The following TOX variants were observed in gnomAD, a reference collection of about 807,000 sequenced individuals.
TOX encodes the protein thymocyte selection associated high mobility group box.
Under a neutral mutation model 53.7 loss-of-function variants are expected in TOX, and 11 were observed. The ratio of observed to expected loss-of-function variants is 0.20; its 90% CI spans 0.13 to 0.34. TOX has a LOEUF of 0.34. Ranked by LOEUF, TOX falls within the 10% of genes least tolerant of loss-of-function variation. The pLI, the probability that TOX is intolerant of heterozygous loss-of-function variation, is 1.00. For synonymous variants in TOX, 225 were observed against 245.3 expected (o/e 0.92, Z 0.77); for missense variants, 570 against 664.6 (o/e 0.86, Z 1.56).
intron 1 of TOX, among the ~76,000 whole-genome samples, chr8:59,051,418 A>G (rs1423123764): frequency 2.0e-5 from 3 of 152,178 alleles, no homozygotes; most frequent in Admixed American, 6.5e-5. Context: ...AGTAGAACAG[A>G]TAACTTTAAA....
chr8:58,935,094 A>G (rs976550878), intron 3 of TOX, among the ~76,000 whole-genome samples: 7 of 152,230 alleles, frequency 4.6e-5, no homozygotes, highest in African/African-American at 1.7e-4. Flanking sequence ...TGTATCACTT[A>G]TGTTGCCAGT....
At chr8:59,086,393 C>T (rs1026546945) in intron 1 of TOX, among the ~76,000 whole-genome samples, 2 of 152,178 alleles carry the variant, frequency 1.3e-5, no homozygotes, top group African/African-American at 2.4e-5. Context: ...CTCTTCCCAG[C>T]AGTCCATGTC....
At chr8:58,974,453 T>C (rs952903729) in intron 1 of TOX, among the ~76,000 whole-genome samples, 7 of 152,208 alleles carry the variant, frequency 4.6e-5, no homozygotes, top group African/African-American at 1.7e-4. Context: ...TAAGTCTATA[T>C]ATTTTTAAAG....
At chr8:59,107,679 C>T (rs982956803) in intron 1 of TOX, among the ~76,000 whole-genome samples, 10 of 152,268 alleles carry the variant, frequency 6.6e-5, no homozygotes, top group African/African-American at 2.4e-4. Context: ...GAGTTGGGGA[C>T]TCCAGCAGTG....
chr8:58,859,721 T>C (rs1278111244), intron 3 of TOX, among the ~76,000 whole-genome samples: 1 of 152,202 alleles, frequency 6.6e-6, no homozygotes, highest in Non-Finnish European at 1.5e-5. Context: ...GGTCTCTCCA[T>C]TGTGGCTTCT....
chr8:58,889,635 A>G (rs1811528922), intron 3 of TOX, among the ~76,000 whole-genome samples: 1 of 152,202 alleles, frequency 6.6e-6, no homozygotes, highest in Non-Finnish European at 1.5e-5. Context: ...ACTATAAAAT[A>G]TATCTGTCAG....
intron 1 of TOX, among the ~76,000 whole-genome samples, chr8:59,012,886 G>C (rs310363): frequency 6.7e-6 from 1 of 148,428 alleles, no homozygotes; most frequent in Non-Finnish European, 1.5e-5. Flanking sequence ...CCCAGACAGC[G>C]TACTCTTTCC....
chr8:59,077,854 C>T (rs1400967652), intron 1 of TOX, among the ~76,000 whole-genome samples: 3 of 152,148 alleles, frequency 2.0e-5, no homozygotes, highest in South Asian at 4.1e-4. Flanking sequence ...AGCCTGGCAA[C>T]TCTATATATG....
intron 1 of TOX, among the ~76,000 whole-genome samples, chr8:58,991,410 A>G (rs1450526554): frequency 6.6e-6 from 1 of 152,220 alleles, no homozygotes; most frequent in East Asian, 1.9e-4. Flanking sequence ...ACAGTGCCTA[A>G]ACAGACCCAA....
chr8:59,013,651 C>T (rs1187992455), intron 1 of TOX, among the ~76,000 whole-genome samples: 7 of 152,136 alleles, frequency 4.6e-5, no homozygotes, highest in Admixed American at 1.3e-4. Flanking sequence ...CCTCGTGATC[C>T]GCCCGCTCCG....
At position 58,851,049 on chromosome 8, in the gene TOX, T is replaced by C. The variant is rs1810805313; in HGVS notation, c.693+475A>G. Among the ~76,000 whole-genome samples the C allele has an allele frequency of 6.6e-6, 1 of 152,062 alleles. No individual in the cohort carries two copies. Among genetic ancestry groups the C allele is most frequent in the Non-Finnish European group, 1.5e-5 (1 of 67,990 alleles). ...AATGAATCACCCAGGAAAGGAGTCATCTAATATCCCTGGCACTTACTTTCC... is the reference window on the plus strand; with the variant it reads ...AATGAATCACCCAGGAAAGGAGTCACCTAATATCCCTGGCACTTACTTTCC... On this transcript the variant is annotated intron_variant, in intron 4 of 8. Coordinates refer to ENST00000361421, the MANE Select transcript of TOX (RefSeq NM_014729.3). This position sits in a 1 kb window ranked among gnomAD's most constrained non-coding sequence, Gnocchi z 4.4.
At chr8:58,877,357 G>A (rs916275820) in intron 3 of TOX, among the ~76,000 whole-genome samples, 4 of 152,050 alleles carry the variant, frequency 2.6e-5, no homozygotes, top group East Asian at 1.9e-4. Flanking sequence ...CATAATAAAC[G>A]CATCAGACAA....
intron 3 of TOX, among the ~76,000 whole-genome samples, chr8:58,883,376 T>C (rs1002617523): frequency 3.9e-5 from 6 of 152,368 alleles, no homozygotes; most frequent in African/African-American, 1.2e-4. Flanking sequence ...TATTTTATTA[T>C]TCCATTATGT....
At chr8:58,846,706 T>C (rs1161665345) in intron 4 of TOX, among the ~76,000 whole-genome samples, 1 of 152,146 alleles carries the variant, frequency 6.6e-6, no homozygotes, top group East Asian at 1.9e-4. Flanking sequence ...ACGACGCGTG[T>C]ATTAAAGGCA....
chr8:58,958,375 G>A (rs1812745684), intron 2 of TOX, among the ~76,000 whole-genome samples: 1 of 152,124 alleles, frequency 6.6e-6, no homozygotes, highest in Non-Finnish European at 1.5e-5. Context: ...CTCTAAGAGG[G>A]AGCAGCTGCT....
At position 58,806,923 on chromosome 8, in the gene TOX, G is replaced by A. The variant is rs1015959635; in HGVS notation, c.*824C>T. ...GTTGTAATTTAGCTGTTTCCAATCT[G>A]TTTCTGCATCTAATAAAATACCAGG... On this transcript the variant is annotated 3_prime_UTR_variant, in exon 9 of 9. Coordinates refer to ENST00000361421, the MANE Select transcript of TOX (RefSeq NM_014729.3). 6.6e-6 allele frequency: 1 copy of A among 152,550 alleles called. No individual in the cohort carries two copies. Among genetic ancestry groups the A allele is most frequent in the African/African-American group, 2.4e-5 (1 of 41,440 alleles). 9.4% of individuals were successfully genotyped at this position (152,550 alleles called of 1,614,324 possible).
At chr8:59,004,919 C>T (rs1813759360) in intron 1 of TOX, among the ~76,000 whole-genome samples, 4 of 152,152 alleles carry the variant, frequency 2.6e-5, no homozygotes, top group Admixed American at 2.6e-4. Context: ...ATCAATCCAA[C>T]TTAGTAGTAG....
At position 58,948,005 on chromosome 8, in the gene TOX, T is replaced by C. The variant is rs150365992; in HGVS notation, c.169-8461A>G. 3.5e-3 allele frequency among the ~76,000 whole-genome samples: 529 copies of C among 152,310 alleles called. 2 individuals carry two copies. Among genetic ancestry groups the C allele is most frequent in the African/African-American group, 0.012 (499 of 41,556 alleles). Reference sequence around the variant, plus strand: ...GCAAACTTCAGGCTACTAGGCTCAATGCAGGCCTCTTCTGGAACTGGGGAG... The same window carrying C: ...GCAAACTTCAGGCTACTAGGCTCAACGCAGGCCTCTTCTGGAACTGGGGAG... On this transcript the variant is annotated intron_variant, in intron 2 of 8. Coordinates refer to ENST00000361421, the MANE Select transcript of TOX (RefSeq NM_014729.3).
chr8:58,944,727 C>G (rs189327563), intron 2 of TOX, among the ~76,000 whole-genome samples: 2 of 152,286 alleles, frequency 1.3e-5, no homozygotes, highest in East Asian at 3.9e-4. Flanking sequence ...ATACAAAGTT[C>G]TGGATAAACA....
Sources: gnomAD v4.1 joint callset for allele counts (sites outside exome capture counted in the v4.1 genomes callset) on GRCh38, gnomAD v4.1.1 for gene constraint, Gnocchi (gnomAD v3.1) non-coding constraint, MANE v1.5 for transcripts, NCBI Gene and HGNC (gene_info 2026-07-23, HGNC 2026-07-21) for gene names.